The following OSBPL10 variants were observed in gnomAD, a reference collection of about 807,000 sequenced individuals.
The protein encoded by OSBPL10 is oxysterol-binding protein-related protein 10.
OSBPL10 carries 49 observed loss-of-function variants against 81.7 expected under a neutral mutation model. The observed-to-expected ratio is 0.60, with a 90% CI of 0.48 to 0.76. OSBPL10 has a LOEUF of 0.76. Among genes scored for constraint, OSBPL10 ranks in the 30% least tolerant of loss-of-function variants. The pLI is 0.00. For missense variants in OSBPL10, 923 were observed against 987.8 expected (o/e 0.93, Z 0.88); for synonymous variants, 419 against 383.6 (o/e 1.09, Z -1.08).
chr3:31,964,348 G>C (rs139892202), intron 1 of OSBPL10, among the ~76,000 whole-genome samples: 327 of 152,208 alleles, frequency 2.1e-3, no homozygotes, highest in Non-Finnish European at 2.8e-3. Flanking sequence ...GTACAGACAG[G>C]GTTTAGCCAG....
At chr3:31,952,145 G>A (rs532823385) in intron 1 of OSBPL10, among the ~76,000 whole-genome samples, 26 of 151,692 alleles carry the variant, frequency 1.7e-4, no homozygotes, top group African/African-American at 4.4e-4. Context: ...GAAAACCTAC[G>A]ATAAAGCATT....
intron 2 of OSBPL10, among the ~76,000 whole-genome samples, chr3:32,024,027 G>A (rs1225637618): frequency 6.6e-6 from 1 of 152,128 alleles, no homozygotes; most frequent in African/African-American, 2.4e-5. Context: ...TGCAGAAATT[G>A]AAACCACAGA....
intron 1 of OSBPL10, among the ~76,000 whole-genome samples, chr3:31,895,662 G>A (rs1384868273): frequency 6.6e-6 from 1 of 152,100 alleles, no homozygotes; most frequent in Non-Finnish European, 1.5e-5. Flanking sequence ...CTCTTCCTGT[G>A]CCAATGTGAA....
intron 1 of OSBPL10, among the ~76,000 whole-genome samples, chr3:32,060,331 G>T (rs1231518351): frequency 6.6e-6 from 1 of 152,136 alleles, no homozygotes; most frequent in Non-Finnish European, 1.5e-5. Context: ...TACACAAGTA[G>T]GTTAATTCAG....
At chr3:31,730,107 T>G (rs964841459) in intron 6 of OSBPL10, among the ~76,000 whole-genome samples, 3 of 151,866 alleles carry the variant, frequency 2.0e-5, no homozygotes, top group African/African-American at 7.3e-5. Flanking sequence ...CTTTGGGAGG[T>G]CAAGGCAGGC....
At chr3:31,944,727 C>A (rs965306466) in intron 1 of OSBPL10, among the ~76,000 whole-genome samples, 3 of 150,932 alleles carry the variant, frequency 2.0e-5, no homozygotes, top group African/African-American at 4.9e-5. Flanking sequence ...ATCAGCCAAT[C>A]TGGTTGCTTC....
intron 3 of OSBPL10, among the ~76,000 whole-genome samples, chr3:31,834,425 G>C (rs1700321341): frequency 6.6e-6 from 1 of 152,196 alleles, no homozygotes; most frequent in Non-Finnish European, 1.5e-5. Flanking sequence ...ATGTCCCCTT[G>C]CTTCGTAAGC....
intron 4 of OSBPL10, among the ~76,000 whole-genome samples, chr3:31,816,703 C>T (rs574309415): frequency 1.3e-5 from 2 of 152,256 alleles, no homozygotes; most frequent in Admixed American, 6.5e-5. Flanking sequence ...GAATGAGGTA[C>T]GCAGACAAGT....
intron 1 of OSBPL10, among the ~76,000 whole-genome samples, chr3:32,073,327 G>A (rs928399777): frequency 1.3e-5 from 2 of 152,070 alleles, no homozygotes; most frequent in South Asian, 2.1e-4. Flanking sequence ...CTAGCTGGAC[G>A]ATCAGTTCTT....
At chr3:31,677,863 T>C (rs111965585) in intron 8 of OSBPL10, among the ~76,000 whole-genome samples, 12 of 148,934 alleles carry the variant, frequency 8.1e-5, no homozygotes, top group Non-Finnish European at 1.2e-4. Context: ...GGGTGGATCA[T>C]GAGGTCAGGA....
chr3:31,819,759 A>T (rs565497871), intron 4 of OSBPL10, among the ~76,000 whole-genome samples: 1 of 152,320 alleles, frequency 6.6e-6, no homozygotes, highest in African/African-American at 2.4e-5. Context: ...ATCAACTTGG[A>T]GAAGCTACAG....
At chr3:31,976,389 T>G (rs1485337825) in intron 1 of OSBPL10, among the ~76,000 whole-genome samples, 1 of 152,180 alleles carries the variant, frequency 6.6e-6, no homozygotes, top group Non-Finnish European at 1.5e-5. Flanking sequence ...TAGCCCACGG[T>G]CACATGTGTG....
chr3:31,809,852 A>G (rs1400975691), intron 4 of OSBPL10, among the ~76,000 whole-genome samples: 1 of 143,448 alleles, frequency 7.0e-6, no homozygotes, highest in Non-Finnish European at 1.5e-5. Context: ...GAAAATGTCA[A>G]TGGGTGCCCC....
Position 31,664,226 on chromosome 3 carries a change from G to C in OSBPL10, c.2103C>G (p.Leu701=). Residue 701 remains leucine (L), a synonymous_variant, in exon 11 of 12, where the codon CTC becomes CTG. Transcript: ENST00000396556. The part of the protein sequence containing the change: ...EKQGPMESRN[L]WREVTRYLRL... ...GCAGGTATCGGGTCACCTCCCGCCA[G>C]AGGTTCCTGGGGATGCGTGGAGGAG... 2 of 1,612,328 alleles carry C rather than the reference G, an allele frequency of 1.2e-6. No individual in the cohort carries two copies. The highest frequency in any genetic ancestry group is 1.7e-5 in the Admixed American group (1 of 60,018).
At chr3:31,948,434 G>A (rs989812161) in intron 1 of OSBPL10, among the ~76,000 whole-genome samples, 18 of 152,094 alleles carry the variant, frequency 1.2e-4, no homozygotes, top group African/African-American at 4.3e-4. Flanking sequence ...CCAAGTAACT[G>A]GGTTTATTGT....
intron 4 of OSBPL10, among the ~76,000 whole-genome samples, chr3:31,772,416 G>C (rs1466820081): frequency 6.6e-6 from 1 of 152,130 alleles, no homozygotes; most frequent in Non-Finnish European, 1.5e-5. Flanking sequence ...TGTATGTGTG[G>C]GTGTTTCTCA....
intron 5 of OSBPL10, 146 bp downstream of exon 5, chr3:31,747,764 G>A: frequency 1.2e-6 from 1 of 801,130 alleles, no homozygotes; most frequent in South Asian, 1.6e-5. Context: ...CCAAACAGTA[G>A]AGACGAAGGG....
At chr3:31,831,696 C>A (rs1271837100) in intron 3 of OSBPL10, among the ~76,000 whole-genome samples, 1 of 152,200 alleles carries the variant, frequency 6.6e-6, no homozygotes, top group Non-Finnish European at 1.5e-5. Flanking sequence ...AGATAACCAT[C>A]TTTCACTCAT....
At position 31,991,459 on chromosome 3, in the gene OSBPL10, C is replaced by A. The variant is rs1360893965; in HGVS notation, n.298+55032G>T. On this transcript the variant is annotated intron_variant and non_coding_transcript_variant, in intron 2 of 3. Coordinates refer to the OSBPL10 transcript ENST00000479173. ...ATGTTTGTAGATTTCAAGGTACAAA[C>A]TTCTCACCTTTTTACGTTTATTCCT... 33 of 166,992 alleles carry A rather than the reference C, an allele frequency of 2.0e-4. 1 individual carries two copies. 10.3% of individuals were successfully genotyped at this position (166,992 alleles called of 1,614,324 possible).
Sources: gnomAD v4.1 joint callset for allele counts (sites outside exome capture counted in the v4.1 genomes callset) on GRCh38, gnomAD v4.1.1 for gene constraint, MANE v1.5 for transcripts, NCBI Gene and HGNC (gene_info 2026-07-23, HGNC 2026-07-21) for gene names.